The following NUP50 variants were observed in gnomAD, a reference collection of about 807,000 sequenced individuals.
The protein encoded by NUP50 is nucleoporin 50.
Under a neutral mutation model 36.8 loss-of-function variants are expected in NUP50, and 14 were observed. The ratio of observed to expected loss-of-function variants is 0.38; its 90% CI spans 0.25 to 0.59. NUP50 has a LOEUF of 0.59. Ranked by LOEUF, NUP50 falls within the 20% of genes least tolerant of loss-of-function variation. The pLI is 0.63. For missense variants in NUP50, 455 were observed against 564.6 expected, an observed-to-expected ratio of 0.81 and a Z score of 1.97; for synonymous variants, 195 against 210.8, an observed-to-expected ratio of 0.93 and a Z score of 0.65.
intron 1 of NUP50, chr22:45,166,281 T>C (rs2074092924): frequency 1.8e-5 from 2 of 112,718 alleles, no homozygotes; most frequent in Non-Finnish European, 3.9e-5. Flanking sequence ...TTTTTTCTTT[T>C]TCTTTTTTTT....
At chr22:45,181,780 C>T (rs1052517889) in intron 6 of NUP50, among the ~76,000 whole-genome samples, 1 of 152,178 alleles carries the variant, frequency 6.6e-6, no homozygotes, top group Non-Finnish European at 1.5e-5. Flanking sequence ...TTCCTGGAGA[C>T]TTGGTTGGCC....
chr22:45,184,979 C>G lies in NUP50; in HGVS notation c.*324C>G. On this transcript the variant is annotated 3_prime_UTR_variant, in exon 8 of 8. Coordinates refer to ENST00000347635, the MANE Select transcript of NUP50 (RefSeq NM_007172.4). ...GGGTATCAATTTGCTTTCCCAAAGG[C>G]TCTTCCAACCCGTGGGTTTTGGGGT... 1 of 333,046 alleles carries G rather than the reference C, an allele frequency of 3.0e-6. No individual in the cohort carries two copies. Among genetic ancestry groups the G allele is most frequent in the Non-Finnish European group, 5.7e-6 (1 of 176,194 alleles). 20.6% of individuals were successfully genotyped at this position (333,046 alleles called of 1,614,324 possible). A position where few individuals can be genotyped will look rare whatever the true frequency, so the allele number is the denominator to read the frequency against.
intron 3 of NUP50, 162 bp from the exon 4 acceptor site, chr22:45,175,732 C>T: frequency 1.7e-6 from 1 of 585,046 alleles, no homozygotes; most frequent in Non-Finnish European, 3.0e-6. Context: ...ATACAATCTT[C>T]CCATCTCATT....
rs1350031460 is a variant in NUP50, at chr22:45,178,655, T to C, written c.758T>C (p.Val253Ala). 2.5e-6 allele frequency: 4 copies of C among 1,611,832 alleles called. No individual in the cohort carries two copies. The highest frequency in any genetic ancestry group is 3.4e-6 in the Non-Finnish European group (4 of 1,179,826). The change falls in exon 5 of 8, where the codon GTG (valine) becomes GCG (alanine). Residue 253 changes from valine to alanine, a missense_variant. By Grantham distance (64) the Val-to-Ala change is moderately conservative. Transcript: ENST00000347635. ...TEDTPDKKME[V>A]ASEKKTDPSS... is the part of the protein sequence containing the mutation. ...GATACACCTGACAAGAAGATGGAGG[T>C]GGCATCTGAAAAGAAAACGGACCCA...
At chr22:45,184,036 A>C in intron 7 of NUP50, 1 of 217,008 alleles carries the variant, frequency 4.6e-6, no homozygotes, top group South Asian at 7.3e-5. Context: ...GAGTAATAAC[A>C]TGGTCGTGTC....
chr22:45,184,345 C>G (rs2147711520), intron 7 of NUP50, 108 bp from the exon 8 acceptor site: 2 of 1,035,708 alleles, frequency 1.9e-6, no homozygotes, highest in Non-Finnish European at 1.4e-6. Context: ...GGCTCCCTGT[C>G]TTAGATGTAT....
In NUP50 at chr22:45,185,597, G is replaced by A. The variant is rs1054402242; in HGVS notation, c.*942G>A. 2.6e-4 allele frequency: 40 copies of A among 152,112 alleles called. 2 individuals are homozygous for A. The highest frequency in any genetic ancestry group is 8.5e-4 in the African/African-American group (35 of 41,410). The allele number at this position is 152,112 out of a possible 1,614,324, so 9.4% of individuals were successfully genotyped here. A position where few individuals can be genotyped will look rare whatever the true frequency, so the allele number is the denominator to read the frequency against. On this transcript the variant is annotated 3_prime_UTR_variant, in exon 8 of 8. Transcript: ENST00000347635. The stretch of plus-strand genomic sequence containing the variant: ...ACACACGAGCCGTGTGAATTCACTA[G>A]GAAACATGTAATAAAGTCATGGAAG...
chr22:45,168,149 T>C lies in NUP50; in HGVS notation c.-10-19T>C, dbSNP rs1327644108. On this transcript the variant is annotated intron_variant, in intron 1 of 7. Transcript: ENST00000347635. ...TTATTCTTCTAGAAAAATAAACTCT[T>C]CTGTTTTCTATAACTTAGGTTCGAA... is the stretch of plus-strand genomic sequence containing the variant. 1.3e-6 allele frequency: 2 copies of C among 1,563,734 alleles called. No homozygotes were observed. The highest frequency in any genetic ancestry group is 2.2e-5 in the East Asian group (1 of 44,566).
chr22:45,175,882 T>A lies in NUP50; in HGVS notation c.154-12T>A. ...ACACTTACCTAATGTGTGCTCCTCCTTCATACTTCAGTCTGACACTGGAGG... is the reference window on the plus strand; with the variant it reads ...ACACTTACCTAATGTGTGCTCCTCCATCATACTTCAGTCTGACACTGGAGG... On this transcript the variant is annotated splice_polypyrimidine_tract_variant and intron_variant, in intron 3 of 7. Transcript: ENST00000347635. The A allele has an allele frequency of 6.2e-7, 1 of 1,613,834 alleles. No individual in the cohort carries two copies. Among genetic ancestry groups the A allele is most frequent in the Non-Finnish European group, 8.5e-7 (1 of 1,179,848 alleles).
rs752717533 is a variant in NUP50 at position 45,186,961 on chromosome 22, G to C, written c.*2306G>C. On this transcript the variant is annotated 3_prime_UTR_variant, in exon 8 of 8. Coordinates refer to ENST00000347635, the MANE Select transcript of NUP50 (RefSeq NM_007172.4). ...CCCTACTTTCCCCACTATGTTAACA[G>C]GTAATTCTGATTTATGCGTTTAGTT... 6.6e-6 allele frequency: 1 copy of C among 152,154 alleles called. No individual in the cohort carries two copies. The highest frequency in any genetic ancestry group is 1.5e-5 in the Non-Finnish European group (1 of 68,036). The allele number at this position is 152,154 out of a possible 1,614,324, so 9.4% of individuals were successfully genotyped here.
chr22:45,186,975 A>G lies in NUP50; in HGVS notation c.*2320A>G, dbSNP rs1601797653. ...CTATGTTAACAGGTAATTCTGATTT[A>G]TGCGTTTAGTTTGACTTATTTTTAA... On this transcript the variant is annotated 3_prime_UTR_variant, in exon 8 of 8. Coordinates refer to ENST00000347635, the MANE Select transcript of NUP50 (RefSeq NM_007172.4). 6.6e-6 allele frequency: 1 copy of G among 152,212 alleles called. No homozygotes were observed. The highest frequency in any genetic ancestry group is 1.5e-5 in the Non-Finnish European group (1 of 68,032). 9.4% of individuals were successfully genotyped at this position (152,212 alleles called of 1,614,324 possible).
chr22:45,183,727 T>C (rs2074420918), intron 7 of NUP50: 4 of 492,794 alleles, frequency 8.1e-6, no homozygotes, highest in Non-Finnish European at 1.1e-5. Context: ...ACAAAATGAT[T>C]TTTCATTTTC....
chr22:45,184,229 C>T, intron 7 of NUP50: 1 of 554,544 alleles, frequency 1.8e-6, no homozygotes, highest in Non-Finnish European at 3.2e-6. Context: ...GGTGCAGAGA[C>T]CCGGGCTGGA....
intron 1 of NUP50, 111 bp from the exon 2 acceptor site, chr22:45,168,056 TA>T: frequency 1.3e-6 from 1 of 788,142 alleles, no homozygotes; most frequent in Non-Finnish European, 2.0e-6. Context: ...TTTTCCCTGA[TA>T]AAAAAACCAG....
chr22:45,187,861 T>C lies in NUP50; in HGVS notation c.*3206T>C, dbSNP rs1601798911. On this transcript the variant is annotated 3_prime_UTR_variant, in exon 8 of 8. Transcript: ENST00000347635. Reference sequence around the variant, plus strand: ...CTTAGCAATCAGATGGATAAATTGTTTGCTTTTTACTTTAAATAGGAAATT... The same window carrying C: ...CTTAGCAATCAGATGGATAAATTGTCTGCTTTTTACTTTAAATAGGAAATT... 6.5e-6 allele frequency: 1 copy of C among 152,800 alleles called. No individual in the cohort carries two copies. The highest frequency in any genetic ancestry group is 1.5e-5 in the Non-Finnish European group (1 of 68,032). 9.5% of individuals were successfully genotyped at this position (152,800 alleles called of 1,614,324 possible).
At chr22:45,184,388 T>A in intron 7 of NUP50, 65 bp from the exon 8 acceptor site, 1 of 1,412,566 alleles carries the variant, frequency 7.1e-7, no homozygotes, top group Non-Finnish European at 1.0e-6. Context: ...TTTAGCATAT[T>A]ACAGACTCCT....
In NUP50 at chr22:45,178,620, C is replaced by G; in HGVS notation, c.723C>G (p.Asn241Lys). Residue 241 changes from asparagine to lysine, a missense_variant, in exon 5 of 8, where the codon AAC becomes AAG. Asn to Lys is a moderately conservative substitution (Grantham distance 94). This residue lies in a region of NUP50 where 287 missense variants were observed against 345.5 expected (regional missense o/e 0.83). Coordinates refer to ENST00000347635, the MANE Select transcript of NUP50 (RefSeq NM_007172.4). Reference sequence around the variant, plus strand: ...AGTCAACGTTTTTGTTTCATGGCAACAAAACTGAAGATACACCTGACAAGA... The same window carrying G: ...AGTCAACGTTTTTGTTTCATGGCAAGAAAACTGAAGATACACCTGACAAGA... ...QQESTFLFHGNKTEDTPDKKM... is the reference protein window; with the variant it reads ...QQESTFLFHGKKTEDTPDKKM... The G allele has an allele frequency of 6.2e-7, 1 of 1,611,754 alleles. No homozygotes were observed.
At position 45,181,362 on chromosome 22, in the gene NUP50, C is replaced by T. The variant is rs1460077583; in HGVS notation, c.1080C>T (p.Ser360=). 6.3e-7 allele frequency: 1 copy of T among 1,580,388 alleles called. No individual in the cohort carries two copies. Among genetic ancestry groups the T allele is most frequent in the East Asian group, 2.4e-5 (1 of 41,896 alleles). ...TAAAAGAAGAAGATGCTTTTTACTC[C>T]AAAAAGTAAGAATCCCCACAACCTG... ...TEVKEEDAFY[S]KKCKLFYKKD... Residue 360 remains serine (S), a synonymous_variant, in exon 6 of 8, where the codon TCC becomes TCT. Transcript: ENST00000347635.
At position 45,184,702 on chromosome 22, in the gene NUP50, C is replaced by G. The variant is rs781107879; in HGVS notation, c.*47C>G. 1 of 1,251,046 alleles carries G rather than the reference C, an allele frequency of 8.0e-7. No individual in the cohort carries two copies. The highest frequency in any genetic ancestry group is 1.3e-5 in the South Asian group (1 of 79,974). 77.5% of individuals were successfully genotyped at this position (1,251,046 alleles called of 1,614,324 possible). ...ATTATTGCCAAGTTGCTGCTGCTTC[C>G]ACCGCCCCTTAAAGTTAGTCAGTTT... On this transcript the variant is annotated 3_prime_UTR_variant, in exon 8 of 8. Transcript: ENST00000347635.
Sources: gnomAD v4.1 joint callset for allele counts (sites outside exome capture counted in the v4.1 genomes callset) on GRCh38, gnomAD v4.1.1 for gene constraint, gnomAD v4.1.1 regional missense constraint, MANE v1.5 for transcripts, NCBI Gene and HGNC (gene_info 2026-07-23, HGNC 2026-07-21) for gene names.